GALNTL6: variants seen among roughly 807,000 people sequenced by gnomAD.
The protein encoded by GALNTL6 is polypeptide N-acetylgalactosaminyltransferase like 6.
In GALNTL6, 46 loss-of-function variants were observed where a neutral mutation model predicts 73.7. That is an observed-to-expected ratio of 0.62 (90% CI 0.49 to 0.80). The LOEUF is 0.80. GALNTL6 is among the 30% of genes least tolerant of loss of function. GALNTL6 has a pLI of 0.00. For missense variants in GALNTL6, 604 were observed against 755.0 expected, an observed-to-expected ratio of 0.80 and a Z score of 2.34; for synonymous variants, 259 against 263.7, an observed-to-expected ratio of 0.98 and a Z score of 0.17.
chr4:172,032,955 T>C (rs1288991447), intron 2 of GALNTL6, among the ~76,000 whole-genome samples: 2 of 152,064 alleles, frequency 1.3e-5, no homozygotes, highest in Non-Finnish European at 2.9e-5. Context: ...TACTGTATTC[T>C]TATAGTACAT....
At chr4:172,200,052 A>G (rs989097965) in intron 2 of GALNTL6, among the ~76,000 whole-genome samples, 1 of 152,176 alleles carries the variant, frequency 6.6e-6, no homozygotes, top group African/African-American at 2.4e-5. Context: ...CTAATTGGCA[A>G]TAAAAAATCT....
At chr4:172,537,140 C>A (rs983319756) in intron 5 of GALNTL6, among the ~76,000 whole-genome samples, 1 of 152,118 alleles carries the variant, frequency 6.6e-6, no homozygotes, top group Non-Finnish European at 1.5e-5. Context: ...TGTATTTGGA[C>A]TTTTGAGTTA....
intron 2 of GALNTL6, among the ~76,000 whole-genome samples, chr4:171,840,093 G>A (rs1735200327): frequency 1.3e-5 from 2 of 152,258 alleles, no homozygotes; most frequent in South Asian, 4.1e-4. Flanking sequence ...ATGGCAGTAA[G>A]CTTTTACTCT....
At chr4:171,852,937 C>T (rs1449546110) in intron 2 of GALNTL6, among the ~76,000 whole-genome samples, 1 of 151,566 alleles carries the variant, frequency 6.6e-6, no homozygotes, top group Non-Finnish European at 1.5e-5. Flanking sequence ...AGCTCCGCCT[C>T]CTGGGTTCAC....
At chr4:172,430,461 T>C (rs953242117) in intron 5 of GALNTL6, among the ~76,000 whole-genome samples, 1 of 152,112 alleles carries the variant, frequency 6.6e-6, no homozygotes, top group African/African-American at 2.4e-5. Flanking sequence ...TCAGTAGTGA[T>C]ATGATTCCCA....
intron 5 of GALNTL6, among the ~76,000 whole-genome samples, chr4:172,579,542 G>A (rs909124688): frequency 6.6e-6 from 1 of 152,050 alleles, no homozygotes; most frequent in Non-Finnish European, 1.5e-5. Context: ...AATGTTCCTC[G>A]AAGGAATAAC....
rs187421079 is a variant in GALNTL6 at position 172,595,899 on chromosome 4, C to T, written c.554-213462C>T. On this transcript the variant is annotated intron_variant, in intron 5 of 12. Transcript: ENST00000506823. Reference sequence around the variant, plus strand: ...GAACACTTAAGAGGGACAAATATATCTAAGTATCCAACTTTGTAAGTACAG... The same window carrying T: ...GAACACTTAAGAGGGACAAATATATTTAAGTATCCAACTTTGTAAGTACAG... 1.5e-3 allele frequency among the ~76,000 whole-genome samples: 227 copies of T among 152,198 alleles called. 1 individual carries two copies. The highest frequency in any genetic ancestry group is 0.01 in the Middle Eastern group (3 of 294).
At chr4:172,946,935 C>T (rs150863864) in intron 9 of GALNTL6, among the ~76,000 whole-genome samples, 3 of 152,104 alleles carry the variant, frequency 2.0e-5, no homozygotes, top group East Asian at 1.9e-4. Context: ...GATGAATTGC[C>T]GGGCACGAAA....
chr4:172,216,565 A>T (rs1317319800), intron 2 of GALNTL6, among the ~76,000 whole-genome samples: 1 of 151,994 alleles, frequency 6.6e-6, no homozygotes, highest in Non-Finnish European at 1.5e-5. Flanking sequence ...TCTGATTGGT[A>T]TTCTCTGTTT....
intron 5 of GALNTL6, among the ~76,000 whole-genome samples, chr4:172,512,620 C>T (rs1046925671): frequency 6.6e-6 from 1 of 151,840 alleles, no homozygotes; most frequent in African/African-American, 2.4e-5. Context: ...TTTAACAGTT[C>T]TTGTAGTGCT....
chr4:172,549,810 C>T (rs1419817967), intron 5 of GALNTL6, among the ~76,000 whole-genome samples: 1 of 152,144 alleles, frequency 6.6e-6, no homozygotes, highest in African/African-American at 2.4e-5. Context: ...CTGTCTCACC[C>T]TTTCTTACCT....
intron 2 of GALNTL6, among the ~76,000 whole-genome samples, chr4:171,997,737 A>G (rs1188051987): frequency 1.3e-5 from 2 of 152,138 alleles, no homozygotes; most frequent in East Asian, 1.9e-4. Context: ...TTAAGGAAAG[A>G]ACATAAAAGA....
intron 2 of GALNTL6, among the ~76,000 whole-genome samples, chr4:172,021,855 A>T (rs1741412510): frequency 6.6e-6 from 1 of 152,132 alleles, no homozygotes; most frequent in South Asian, 2.1e-4. Context: ...TCTGTTCAAT[A>T]AATGGTCCTA....
chr4:172,670,478 C>T (rs1731913911), intron 5 of GALNTL6, among the ~76,000 whole-genome samples: 1 of 151,890 alleles, frequency 6.6e-6, no homozygotes, highest in South Asian at 2.1e-4. Context: ...GTTCTTTGTC[C>T]ACTCTTTTTA....
chr4:173,036,854 T>C (rs1254347627), intron 12 of GALNTL6, among the ~76,000 whole-genome samples: 1 of 152,210 alleles, frequency 6.6e-6, no homozygotes, highest in Non-Finnish European at 1.5e-5. Flanking sequence ...AAAACTGTGT[T>C]CAGTTCTGTT....
At chr4:172,387,585 T>C (rs979875420) in intron 5 of GALNTL6, among the ~76,000 whole-genome samples, 2 of 152,156 alleles carry the variant, frequency 1.3e-5, no homozygotes, top group African/African-American at 4.8e-5. Flanking sequence ...TCTTTGCCTT[T>C]GACAGTTTGT....
chr4:172,664,434 A>G (rs1357633331), intron 5 of GALNTL6, among the ~76,000 whole-genome samples: 1 of 152,186 alleles, frequency 6.6e-6, no homozygotes, highest in Non-Finnish European at 1.5e-5. Context: ...TCTTTTCCAA[A>G]CATACTTCTA....
At chr4:172,357,611 A>G (rs1007431158) in intron 5 of GALNTL6, among the ~76,000 whole-genome samples, 1 of 121,092 alleles carries the variant, frequency 8.3e-6, no homozygotes. Context: ...TATGGAGAAT[A>G]TATGTATATA....
chr4:172,342,213 T>C (rs1741593483), intron 4 of GALNTL6, among the ~76,000 whole-genome samples: 1 of 151,984 alleles, frequency 6.6e-6, no homozygotes, highest in South Asian at 2.1e-4. Context: ...TTTGAGCTAA[T>C]CAAGTAATTG....
Sources: gnomAD v4.1 joint callset for allele counts (sites outside exome capture counted in the v4.1 genomes callset) on GRCh38, gnomAD v4.1.1 for gene constraint, MANE v1.5 for transcripts, NCBI Gene and HGNC (gene_info 2026-07-23, HGNC 2026-07-21) for gene names.